XKR9: variants seen among roughly 807,000 people sequenced by gnomAD.
XKR9 encodes XK related 9.
Under a neutral mutation model 32.0 loss-of-function variants are expected in XKR9, and 32 were observed. The ratio of observed to expected loss-of-function variants is 1.00; its 90% CI spans 0.76 to 1.34. The LOEUF is 1.34. XKR9 is among the 40% of genes most tolerant of loss of function. The pLI, the probability that XKR9 is intolerant of heterozygous loss-of-function variation, is 0.00. For synonymous variants in XKR9, 168 were observed against 143.4 expected (o/e 1.17, Z -1.22); for missense variants, 546 against 429.7 (o/e 1.27, Z -2.39).
chr8:70,710,825 T>C (rs1397553543), intron 4 of XKR9, among the ~76,000 whole-genome samples: 2 of 152,046 alleles, frequency 1.3e-5, no homozygotes, highest in African/African-American at 4.8e-5. Flanking sequence ...CAAAAGAAAC[T>C]ATCAGCAGAG....
the XKR9 span, among the ~76,000 whole-genome samples, chr8:70,964,891 C>A: frequency 6.6e-6 from 1 of 151,916 alleles, no homozygotes; most frequent in African/African-American, 2.4e-5. Context: ...ATGTTATCTG[C>A]AAAAAAAGTT....
chr8:70,995,946 G>A, the XKR9 span, among the ~76,000 whole-genome samples: 1 of 152,078 alleles, frequency 6.6e-6, no homozygotes, highest in Non-Finnish European at 1.5e-5. Context: ...TCCACCTTTG[G>A]AAGTATACAT....
chr8:70,983,892 G>A, the XKR9 span, among the ~76,000 whole-genome samples: 4,313 of 150,018 alleles, frequency 0.029, 177 homozygotes, highest in African/African-American at 0.1. Flanking sequence ...AAGTCGAAGC[G>A]AATGTAATTT....
the XKR9 span, among the ~76,000 whole-genome samples, chr8:70,902,561 G>C: frequency 1.3e-5 from 2 of 152,206 alleles, no homozygotes; most frequent in Admixed American, 6.5e-5. Context: ...GGGCTGAGTT[G>C]ATGGGGTTTT....
At chr8:71,009,517 G>T in the XKR9 span, among the ~76,000 whole-genome samples, 1 of 152,222 alleles carries the variant, frequency 6.6e-6, no homozygotes, top group African/African-American at 2.4e-5. Flanking sequence ...CATAGGGTTA[G>T]ATGATGATGG....
chr8:71,033,660 A>AAG, the XKR9 span, among the ~76,000 whole-genome samples: 3 of 152,156 alleles, frequency 2.0e-5, no homozygotes, highest in Non-Finnish European at 4.4e-5. Context: ...ATTAGTTCCC[A>AAG]AGAGAGCAGG....
chr8:70,855,279 T>G, the XKR9 span, among the ~76,000 whole-genome samples: 2 of 152,008 alleles, frequency 1.3e-5, no homozygotes, highest in African/African-American at 4.8e-5. Context: ...AGAAAAGTCC[T>G]TAAAGGACCT....
the XKR9 span, among the ~76,000 whole-genome samples, chr8:70,924,441 C>T: frequency 6.6e-6 from 1 of 152,134 alleles, no homozygotes. Context: ...GGGAAAATGT[C>T]AATACTCAAT....
chr8:70,869,366 A>T, the XKR9 span, among the ~76,000 whole-genome samples: 1 of 152,202 alleles, frequency 6.6e-6, no homozygotes, highest in Non-Finnish European at 1.5e-5. Context: ...ATCATGGCAG[A>T]AGGCAAGAAA....
chr8:70,789,614 C>G (rs1384868630), intron 3 of XKR9, among the ~76,000 whole-genome samples: 2 of 152,014 alleles, frequency 1.3e-5, no homozygotes, highest in Non-Finnish European at 2.9e-5. Context: ...CAGTGATTTT[C>G]ATTGAAATTT....
At chr8:70,934,795 C>T in the XKR9 span, among the ~76,000 whole-genome samples, 194 of 151,856 alleles carry the variant, frequency 1.3e-3, 2 homozygotes, top group East Asian at 0.029. Flanking sequence ...TGATGTAACT[C>T]GTTTTAACAA....
At chr8:70,684,002 T>C (rs1819175264) in intron 3 of XKR9, among the ~76,000 whole-genome samples, 1 of 152,250 alleles carries the variant, frequency 6.6e-6, no homozygotes, top group Non-Finnish European at 1.5e-5. Flanking sequence ...GTTTCTATTG[T>C]TGCTCTGGAG....
chr8:70,785,976 A>C (rs12681047), intron 2 of XKR9, among the ~76,000 whole-genome samples: 3 of 151,994 alleles, frequency 2.0e-5, no homozygotes, highest in African/African-American at 7.2e-5. Flanking sequence ...GGTGTGAGCC[A>C]CCATACCTGG....
the XKR9 span, among the ~76,000 whole-genome samples, chr8:71,063,078 T>A: frequency 6.6e-6 from 1 of 152,222 alleles, no homozygotes; most frequent in Non-Finnish European, 1.5e-5. Context: ...TGGTTTAGCA[T>A]CTTTGCTAAT....
the XKR9 span, among the ~76,000 whole-genome samples, chr8:70,913,232 T>A: frequency 6.6e-6 from 1 of 152,144 alleles, no homozygotes; most frequent in African/African-American, 2.4e-5. Flanking sequence ...CATTTTCAAT[T>A]GAGAGCCACT....
intron 2 of XKR9, among the ~76,000 whole-genome samples, chr8:70,770,016 T>C (rs1441526752): frequency 2.0e-5 from 3 of 152,254 alleles, no homozygotes; most frequent in African/African-American, 4.8e-5. Context: ...GAGGAGAAGA[T>C]GCATTCTGGT....
At chr8:70,775,701 C>G (rs1178108630) in intron 2 of XKR9, among the ~76,000 whole-genome samples, 3 of 150,512 alleles carry the variant, frequency 2.0e-5, no homozygotes, top group African/African-American at 4.9e-5. Context: ...TTGGCTTGCA[C>G]TTTTATTAAA....
chr8:70,870,491 C>G, the XKR9 span, among the ~76,000 whole-genome samples: 1 of 152,124 alleles, frequency 6.6e-6, no homozygotes, highest in Non-Finnish European at 1.5e-5. Flanking sequence ...TTTTTCTTTG[C>G]TTCTTGTTGT....
the XKR9 span, among the ~76,000 whole-genome samples, chr8:71,036,953 A>G: frequency 2.0e-5 from 3 of 150,758 alleles, no homozygotes; most frequent in East Asian, 3.9e-4. Flanking sequence ...AGCTTAAGCA[A>G]TCCGCCTGCC....
Sources: allele counts gnomAD v4.1 joint callset (sites outside exome capture counted in the v4.1 genomes callset), GRCh38; gene constraint gnomAD v4.1.1; transcripts MANE v1.5; gene names NCBI Gene and HGNC (gene_info 2026-07-23, HGNC 2026-07-21).